The following GPR158 variants were observed in gnomAD, a reference collection of about 807,000 sequenced individuals.
GPR158 encodes metabotropic glycine receptor.
In GPR158, 30 loss-of-function variants were observed where a neutral mutation model predicts 78.2. That is an observed-to-expected ratio of 0.38 (90% CI 0.29 to 0.52). The LOEUF is 0.52. Ranked by LOEUF, GPR158 falls within the 20% of genes least tolerant of loss-of-function variation. The pLI, the probability that GPR158 is intolerant of heterozygous loss-of-function variation, is 0.83. For missense variants in GPR158, 1,463 were observed against 1,523.5 expected (o/e 0.96, Z 0.66); for synonymous variants, 581 against 591.1 (o/e 0.98, Z 0.25).
intron 5 of GPR158, among the ~76,000 whole-genome samples, chr10:25,545,851 G>A (rs905812443): frequency 9.9e-5 from 15 of 151,992 alleles, no homozygotes; most frequent in Non-Finnish European, 2.2e-4. Flanking sequence ...ACTATCTTAG[G>A]GAATGGACGT....
intron 2 of GPR158, among the ~76,000 whole-genome samples, chr10:25,325,130 C>G (rs1471177001): frequency 1.3e-5 from 2 of 152,120 alleles, no homozygotes; most frequent in African/African-American, 4.8e-5. Context: ...AGGCATGAAC[C>G]ACTGCACCTG....
At chr10:25,572,398 C>T (rs1011111651) in intron 6 of GPR158, among the ~76,000 whole-genome samples, 7 of 152,046 alleles carry the variant, frequency 4.6e-5, no homozygotes, top group East Asian at 1.9e-4. Flanking sequence ...AAGGCTGAGG[C>T]GAGAGGAATG....
At chr10:25,251,027 T>C (rs1465695650) in intron 2 of GPR158, among the ~76,000 whole-genome samples, 1 of 152,014 alleles carries the variant, frequency 6.6e-6, no homozygotes, top group Non-Finnish European at 1.5e-5. Flanking sequence ...TTTAGGATAG[T>C]TAGCTCTTCT....
chr10:25,198,628 T>C (rs2130651721), intron 1 of GPR158, among the ~76,000 whole-genome samples: 1 of 152,334 alleles, frequency 6.6e-6, no homozygotes, highest in Non-Finnish European at 1.5e-5. Context: ...GCCTTCTAAA[T>C]AAGCAGAAAG....
intron 5 of GPR158, among the ~76,000 whole-genome samples, chr10:25,486,674 G>A (rs927557914): frequency 1.3e-5 from 2 of 152,082 alleles, no homozygotes; most frequent in African/African-American, 4.8e-5. Flanking sequence ...ACAAAATTCC[G>A]GAAGGATGCT....
Position 25,495,678 on chromosome 10 carries a change from G to A in GPR158, c.1404+28959G>A, listed in dbSNP as rs1835871256. ...TGATGATGAGTGGTATGTTGTCGGC[G>A]CATTTCCTCTTAAGTGTTTCTATGG... is the stretch of plus-strand genomic sequence containing the variant. On this transcript the variant is annotated intron_variant, in intron 5 of 10. Transcript: ENST00000376351. Among the ~76,000 whole-genome samples the A allele has an allele frequency of 2.6e-5, 4 of 151,884 alleles. No individual in the cohort carries two copies. In the South Asian group the frequency reaches 6.2e-4, roughly 24 times the overall value.
intron 2 of GPR158, among the ~76,000 whole-genome samples, chr10:25,282,495 G>A (rs1174806956): frequency 6.6e-6 from 1 of 152,006 alleles, no homozygotes; most frequent in East Asian, 1.9e-4. Context: ...ATATACCTAG[G>A]TGTGGGACTG....
intron 5 of GPR158, among the ~76,000 whole-genome samples, chr10:25,472,354 T>G (rs1835519323): frequency 1.3e-5 from 2 of 152,326 alleles, no homozygotes; most frequent in South Asian, 2.1e-4. Context: ...CATGCTGTTT[T>G]GGTTACTGTA....
At chr10:25,289,675 C>A (rs985540149) in intron 2 of GPR158, among the ~76,000 whole-genome samples, 9 of 152,124 alleles carry the variant, frequency 5.9e-5, no homozygotes, top group African/African-American at 2.2e-4. Flanking sequence ...CCTCCTCTGC[C>A]TCCCAAAGTG....
At position 25,594,585 on chromosome 10, in the gene GPR158, CTTTG is replaced by C. The variant is rs574942643; in HGVS notation, c.1998+194_1998+197del. ...AACTTCTTAAATAATTTTTAAATGC[CTTTG>C]TTTGTACAAAAACCCATCATCTGTT... is the stretch of plus-strand genomic sequence containing the variant. On this transcript the variant is annotated intron_variant, in intron 9 of 10. Coordinates refer to ENST00000376351, the MANE Select transcript of GPR158 (RefSeq NM_020752.3). Among the ~76,000 whole-genome samples the C allele has an allele frequency of 2.6e-5, 4 of 152,044 alleles. No homozygotes were observed. In the East Asian group the frequency reaches 7.7e-4, roughly 29 times the overall value.
chr10:25,357,572 CAG>C (rs1444652623), intron 2 of GPR158, among the ~76,000 whole-genome samples: 1 of 152,092 alleles, frequency 6.6e-6, no homozygotes, highest in Non-Finnish European at 1.5e-5. Flanking sequence ...GCTGTGGCTT[CAG>C]AGAGTGCAAG....
At chr10:25,273,146 G>C (rs1854138776) in intron 2 of GPR158, among the ~76,000 whole-genome samples, 1 of 152,130 alleles carries the variant, frequency 6.6e-6, no homozygotes, top group Non-Finnish European at 1.5e-5. Flanking sequence ...TTCCACATCA[G>C]CTATGTCCTT....
intron 1 of GPR158, among the ~76,000 whole-genome samples, chr10:25,204,639 G>A (rs1383899365): frequency 2.0e-5 from 3 of 152,112 alleles, no homozygotes; most frequent in Non-Finnish European, 4.4e-5. Context: ...TTGATGTCCT[G>A]TTGGATTCGG....
intron 2 of GPR158, among the ~76,000 whole-genome samples, chr10:25,274,111 T>G (rs1854152688): frequency 6.6e-6 from 1 of 152,218 alleles, no homozygotes; most frequent in African/African-American, 2.4e-5. Flanking sequence ...TGCCTACAGT[T>G]ATTTATTCTG....
At chr10:25,485,231 AT>A (rs754016582) in intron 5 of GPR158, among the ~76,000 whole-genome samples, 9 of 151,068 alleles carry the variant, frequency 6.0e-5, no homozygotes, top group South Asian at 2.1e-4. Context: ...GGTTGCAAGT[AT>A]TTTTTTTTAA....
intron 7 of GPR158, among the ~76,000 whole-genome samples, chr10:25,583,027 G>A (rs1458186903): frequency 3.3e-5 from 5 of 152,188 alleles, no homozygotes. Context: ...GCACTGGTCA[G>A]GAACTAAGAG....
chr10:25,336,026 C>T lies in GPR158; in HGVS notation c.1009-59885C>T, dbSNP rs180913372. 4.7e-4 allele frequency among the ~76,000 whole-genome samples: 72 copies of T among 151,962 alleles called. 1 individual carries two copies. The highest frequency in any genetic ancestry group is 9.1e-4 in the Non-Finnish European group (62 of 67,942). ...AAAATAGTGCCTGTGTGTGTAAGCA[C>T]CTGGTAAAAATTAGCTGTCATTGTT... On this transcript the variant is annotated intron_variant, in intron 2 of 10. Transcript: ENST00000376351.
chr10:25,541,842 A>C (rs1836589925), intron 5 of GPR158, among the ~76,000 whole-genome samples: 1 of 151,142 alleles, frequency 6.6e-6, no homozygotes, highest in Admixed American at 6.6e-5. Context: ...TGTTGTTAGG[A>C]TTGTTGGCAG....
At chr10:25,528,880 G>GTATTAAT in intron 5 of GPR158, among the ~76,000 whole-genome samples, 1 of 152,160 alleles carries the variant, frequency 6.6e-6, no homozygotes, top group African/African-American at 2.4e-5. Context: ...TAAAGTTACA[G>GTATTAAT]GACTTAATAC....
Sources: gnomAD v4.1 joint callset for allele counts (sites outside exome capture counted in the v4.1 genomes callset) on GRCh38, gnomAD v4.1.1 for gene constraint, MANE v1.5 for transcripts, NCBI Gene and HGNC (gene_info 2026-07-23, HGNC 2026-07-21) for gene names.